Variants in MPRIP observed in about 807,000 individuals in gnomAD.
MPRIP encodes the protein myosin phosphatase Rho interacting protein, also known as myosin phosphatase Rho-interacting protein.
A neutral mutation model predicts 234.9 loss-of-function variants in MPRIP; 59 were observed. That is an observed-to-expected ratio of 0.25 (90% CI 0.20 to 0.31). MPRIP has a LOEUF of 0.31. MPRIP is among the 10% of genes least tolerant of loss of function. MPRIP has a pLI of 1.00. For missense variants in MPRIP, 2,436 were observed against 3,071.0 expected (o/e 0.79, Z 4.89); for synonymous variants, 1,144 against 1,263.9 (o/e 0.91, Z 2.01).
chr17:17,115,496 G>T lies in MPRIP; in HGVS notation c.268-11206G>T, dbSNP rs562143507. On this transcript the variant is annotated intron_variant, in intron 3 of 23. Coordinates refer to ENST00000651222, the MANE Select transcript of MPRIP (RefSeq NM_001364716.4). ...GAAGGCCTGTTGGAAGGCCTGGCCT[G>T]CTTGCTGCTGAGCCTGTGGTTTCTC... 7.9e-5 allele frequency among the ~76,000 whole-genome samples: 12 copies of T among 152,354 alleles called. No individual in the cohort carries two copies. The South Asian group carries it at 1.2e-3, about 16-fold the overall frequency.
In MPRIP at chr17:17,183,452, G is replaced by A. The variant is rs192973133; in HGVS notation, c.7207-1371G>A. Among the ~76,000 whole-genome samples the A allele has an allele frequency of 6.0e-3, 911 of 152,316 alleles. 6 individuals are homozygous for A. Among genetic ancestry groups the A allele is most frequent in the Non-Finnish European group, 0.01 (685 of 68,018 alleles). On this transcript the variant is annotated intron_variant, in intron 23 of 23. Coordinates refer to ENST00000651222, the MANE Select transcript of MPRIP (RefSeq NM_001364716.4). The stretch of plus-strand genomic sequence containing the variant: ...AGGATGGTCTCGATCTCCTGACATC[G>A]TGATCTGCCCGCCTCGGCCTCCCAA...
At chr17:17,087,600 T>C (rs1392733026) in intron 3 of MPRIP, among the ~76,000 whole-genome samples, 1 of 152,184 alleles carries the variant, frequency 6.6e-6, no homozygotes, top group African/African-American at 2.4e-5. Context: ...GAGTCCTCCC[T>C]GTGTTCCTAA....
chr17:17,094,076 C>T (rs1331995990), intron 3 of MPRIP, among the ~76,000 whole-genome samples: 1 of 152,170 alleles, frequency 6.6e-6, no homozygotes, highest in Non-Finnish European at 1.5e-5. Flanking sequence ...TCTCTCTCTT[C>T]CACCTTCTCC....
chr17:17,134,393 C>T (rs2090654035), intron 5 of MPRIP, among the ~76,000 whole-genome samples: 1 of 152,196 alleles, frequency 6.6e-6, no homozygotes, highest in African/African-American at 2.4e-5. Flanking sequence ...GCCCAGGATG[C>T]TGTGCTTGGT....
chr17:17,091,362 C>CA (rs2089712537), intron 3 of MPRIP, among the ~76,000 whole-genome samples: 1 of 152,138 alleles, frequency 6.6e-6, no homozygotes, highest in Admixed American at 6.5e-5. Context: ...AGGGGGCAGG[C>CA]AGGGTCCCCA....
chr17:17,165,005 A>G lies in MPRIP; in HGVS notation c.3414A>G (p.Arg1138=). 7.7e-7 allele frequency: 1 copy of G among 1,301,886 alleles called. No homozygotes were observed. Among genetic ancestry groups the G allele is most frequent in the Non-Finnish European group, 1.0e-6 (1 of 988,804 alleles). The allele number at this position is 1,301,886 out of a possible 1,614,324, so 80.6% of individuals were successfully genotyped here. A position where few individuals can be genotyped will look rare whatever the true frequency, so the allele number is the denominator to read the frequency against. The change falls in exon 16 of 24, where the codon AGA becomes AGG. Residue 1138 remains arginine (R), a synonymous_variant. Transcript: ENST00000651222. ...AGCTCCGGGAAAAGCTGAGGAGAAG[A>G]GAGGCTGACAACCAGAGCCTGGAGC... The part of the protein sequence containing the change: ...VAELREKLRR[R]EADNQSLEHS...
chr17:17,093,086 G>A (rs576672286), intron 3 of MPRIP, among the ~76,000 whole-genome samples: 17 of 152,322 alleles, frequency 1.1e-4, no homozygotes, highest in African/African-American at 3.8e-4. Context: ...TAAACGGGTG[G>A]CAACGGCCAT....
In MPRIP at chr17:17,164,353, C is replaced by T. The variant is rs2045935542; in HGVS notation, c.2762C>T (p.Ala921Val). The change falls in exon 16 of 24, where the codon GCC becomes GTC. Residue 921 changes from alanine to valine, a missense_variant. Physicochemically the swap from Ala to Val is moderately conservative, Grantham distance 64 (BLOSUM62 0). Around this residue, in one of 4 missense-constraint regions of MPRIP, gnomAD observed 1,998 missense variants for 2,520.3 expected, o/e 0.79. Coordinates refer to ENST00000651222, the MANE Select transcript of MPRIP (RefSeq NM_001364716.4). ...AELAIKEQAL[A>V]KLKGDLKREQ... ...CTAGCCATCAAGGAGCAGGCGCTGG[C>T]CAAGCTCAAGGGCGACCTGAAGCGG... 4 of 1,300,952 alleles carry T rather than the reference C, an allele frequency of 3.1e-6. No homozygotes were observed. The African/African-American group carries it at 6.1e-5, about 20-fold the overall frequency. 80.6% of individuals were successfully genotyped at this position (1,300,952 alleles called of 1,614,324 possible). A position where few individuals can be genotyped will look rare whatever the true frequency, so the allele number is the denominator to read the frequency against.
chr17:17,182,870 A>G (rs1286202874), intron 23 of MPRIP: 1 of 152,382 alleles, frequency 6.6e-6, no homozygotes, highest in Non-Finnish European at 1.5e-5. Context: ...CCGGGATGTC[A>G]GTGACATCCC....
In MPRIP at chr17:17,186,114, AGGGAGTATAAACCCCT is replaced by A. The variant is rs1161360151; in HGVS notation, c.*1223_*1238del. 2 of 152,768 alleles carry A rather than the reference AGGGAGTATAAACCCCT, an allele frequency of 1.3e-5. No individual in the cohort carries two copies. The highest frequency in any genetic ancestry group is 2.4e-5 in the African/African-American group (1 of 41,448). 9.5% of individuals were successfully genotyped at this position (152,768 alleles called of 1,614,324 possible). On this transcript the variant is annotated 3_prime_UTR_variant, in exon 24 of 24. Coordinates refer to ENST00000651222, the MANE Select transcript of MPRIP (RefSeq NM_001364716.4). Reference sequence around the variant, plus strand: ...TGAAAACCATTAATCCCATTAAGATAGGGAGTATAAACCCCTGGCTGGTGGAACAGGTTCTGCTACT... The same window carrying A: ...TGAAAACCATTAATCCCATTAAGATAGGCTGGTGGAACAGGTTCTGCTACT...
chr17:17,145,966 C>A, intron 9 of MPRIP, 70 bp from the exon 10 acceptor site: 1 of 1,431,156 alleles, frequency 7.0e-7, no homozygotes, highest in Non-Finnish European at 9.8e-7. Context: ...GACAGAAATA[C>A]TGGCCCCATC....
At chr17:17,151,788 A>G (rs7225977) in intron 12 of MPRIP, among the ~76,000 whole-genome samples, 3,454 of 152,302 alleles carry the variant, frequency 0.023, 103 homozygotes, top group Middle Eastern at 0.085. Flanking sequence ...CTCTTTGGGT[A>G]AAGTTAGTTC....
chr17:17,058,766 C>T (rs976119800), intron 1 of MPRIP, among the ~76,000 whole-genome samples: 18 of 152,288 alleles, frequency 1.2e-4, no homozygotes, highest in African/African-American at 4.1e-4. Flanking sequence ...GGTTAGATGT[C>T]GCCTTTTAAG....
intron 1 of MPRIP, among the ~76,000 whole-genome samples, chr17:17,073,302 G>A (rs2089245460): frequency 6.6e-6 from 1 of 152,218 alleles, no homozygotes; most frequent in Non-Finnish European, 1.5e-5. Flanking sequence ...TCACAGCCAA[G>A]CAAAGTGGCT....
At chr17:17,063,223 T>TA (rs2088919564) in intron 1 of MPRIP, among the ~76,000 whole-genome samples, 1 of 152,202 alleles carries the variant, frequency 6.6e-6, no homozygotes, top group Non-Finnish European at 1.5e-5. Context: ...AGGGAGCAGT[T>TA]ACCTTTTCAG....
chr17:17,096,288 G>GGTGTGT (rs59748753), intron 3 of MPRIP, among the ~76,000 whole-genome samples: 17 of 136,586 alleles, frequency 1.2e-4, no homozygotes, highest in Admixed American at 5.1e-4. Flanking sequence ...GTGTGTGCAG[G>GGTGTGT]GTGTGTGTGT....
chr17:17,124,828 G>GCCAGGATGC (rs1485293182), intron 3 of MPRIP, among the ~76,000 whole-genome samples: 1 of 152,188 alleles, frequency 6.6e-6, no homozygotes, highest in Non-Finnish European at 1.5e-5. Context: ...CCTGCACTAT[G>GCCAGGATGC]CCAGGATGCC....
At chr17:17,150,324 C>G in intron 12 of MPRIP, 91 bp downstream of exon 12, 1 of 916,958 alleles carries the variant, frequency 1.1e-6, no homozygotes, top group Non-Finnish European at 1.8e-6. Context: ...CACTTCTGGA[C>G]AGGCCTGATG....
In MPRIP at chr17:17,171,777, T is replaced by A. The variant is rs1453635471; in HGVS notation, c.6384T>A (p.Asp2128Glu). The change falls in exon 17 of 24, where the codon GAT becomes GAA. Residue 2128 changes from aspartate (D) to glutamate (E), a missense_variant. Asp to Glu is a conservative substitution (Grantham distance 45, BLOSUM62 2). Around this residue, in one of 4 missense-constraint regions of MPRIP, gnomAD observed 1,998 missense variants for 2,520.3 expected, o/e 0.79. Transcript: ENST00000651222. ...MEETHQKKIEDLQRQHQRELE... is the reference protein window; with the variant it reads ...MEETHQKKIEELQRQHQRELE... Reference sequence around the variant, plus strand: ...AAACGCACCAGAAGAAGATTGAAGATCTCCAGAGGCAGCACCAGCGGGAGC... The same window carrying A: ...AAACGCACCAGAAGAAGATTGAAGAACTCCAGAGGCAGCACCAGCGGGAGC... 6.2e-7 allele frequency: 1 copy of A among 1,613,634 alleles called. No homozygotes were observed. Among genetic ancestry groups the A allele is most frequent in the Non-Finnish European group, 8.5e-7 (1 of 1,179,994 alleles).
Sources: allele counts gnomAD v4.1 joint callset (sites outside exome capture counted in the v4.1 genomes callset), GRCh38; gene constraint gnomAD v4.1.1; regional missense constraint gnomAD v4.1.1; transcripts MANE v1.5; gene names NCBI Gene and HGNC (gene_info 2026-07-23, HGNC 2026-07-21).